Variants in FAM227B observed in about 807,000 individuals in gnomAD.
The protein encoded by FAM227B is family with sequence similarity 227 member B.
FAM227B carries 88 observed loss-of-function variants against 73.8 expected under a neutral mutation model. The observed-to-expected ratio is 1.19, with a 90% CI of 1.00 to 1.42. The LOEUF is 1.42. FAM227B is among the 40% of genes most tolerant of loss of function. The pLI, the probability that FAM227B is intolerant of heterozygous loss-of-function variation, is 0.00. For synonymous variants in FAM227B, 210 were observed against 190.5 expected, an observed-to-expected ratio of 1.10 and a Z score of -0.84; for missense variants, 632 against 590.9, an observed-to-expected ratio of 1.07 and a Z score of -0.72.
chr15:49,615,247 G>T lies in FAM227B; in HGVS notation c.-72-4C>A. 1.6e-6 allele frequency: 2 copies of T among 1,254,666 alleles called. No homozygotes were observed. Among genetic ancestry groups the T allele is most frequent in the Non-Finnish European group, 2.3e-6 (2 of 853,704 alleles). The allele number at this position is 1,254,666 out of a possible 1,614,324, so 77.7% of individuals were successfully genotyped here. On this transcript the variant is annotated splice_polypyrimidine_tract_variant and splice_region_variant and intron_variant, in intron 1 of 15. Transcript: ENST00000299338. ...CAATGTGAGTTGGGCGACCAAACTG[G>T]GGTATGAAAGACACCCAAATGCAAA...
intron 11 of FAM227B, among the ~76,000 whole-genome samples, chr15:49,417,112 T>C (rs1176167024): frequency 1.3e-5 from 2 of 152,062 alleles, no homozygotes; most frequent in Non-Finnish European, 2.9e-5. Flanking sequence ...ACATAGCTGG[T>C]TGGGTGCAGT....
At chr15:49,587,650 TA>T (rs2076249806) in intron 5 of FAM227B, among the ~76,000 whole-genome samples, 1 of 152,078 alleles carries the variant, frequency 6.6e-6, no homozygotes, top group Non-Finnish European at 1.5e-5. Flanking sequence ...ATCTCAAAAA[TA>T]TTTTTTAAAA....
chr15:49,571,437 C>T (rs776381366), intron 8 of FAM227B, among the ~76,000 whole-genome samples: 11 of 151,940 alleles, frequency 7.2e-5, no homozygotes, highest in Middle Eastern at 6.8e-3. Context: ...TACAAACCAA[C>T]GTCATGGAGC....
chr15:49,386,936 T>C (rs750136664), intron 11 of FAM227B, among the ~76,000 whole-genome samples: 5 of 151,796 alleles, frequency 3.3e-5, no homozygotes, highest in Non-Finnish European at 7.4e-5. Context: ...ACAATCCTCC[T>C]AGATTAAATC....
chr15:49,603,132 T>G (rs572211298), intron 3 of FAM227B, among the ~76,000 whole-genome samples: 151 of 152,374 alleles, frequency 9.9e-4, no homozygotes, highest in African/African-American at 3.5e-3. Context: ...TCTGGGTCTT[T>G]TGCGGTTTCA....
rs750950812 is a variant in FAM227B at position 49,367,581 on chromosome 15, AC to A, written c.1137del (p.Glu379AspfsTer15). 71 of 1,599,396 alleles carry A rather than the reference AC, an allele frequency of 4.4e-5. 1 individual carries two copies. In the East Asian group the frequency reaches 7.4e-4, roughly 17 times the overall value. ...TKSHYSSTGP[E>X]FNRVLFNFGG... ...CCAAAATTGAAGAGAACACGATTAAACTCTGGACCAGTACTACTATAGTGCG... is the reference window on the plus strand; with the variant it reads ...CCAAAATTGAAGAGAACACGATTAAATCTGGACCAGTACTACTATAGTGCG... On this transcript the variant is annotated frameshift_variant, in exon 13 of 16. Transcript: ENST00000299338. LOFTEE classifies it high-confidence loss of function.
In FAM227B at chr15:49,619,650, T is replaced by C. The variant is rs995954705; in HGVS notation, c.-73+1050A>G. 5.9e-5 allele frequency among the ~76,000 whole-genome samples: 9 copies of C among 152,264 alleles called. 1 individual carries two copies. Among genetic ancestry groups the C allele is most frequent in the African/African-American group, 2.2e-4 (9 of 41,478 alleles). On this transcript the variant is annotated intron_variant, in intron 1 of 15. Coordinates refer to ENST00000299338, the MANE Select transcript of FAM227B (RefSeq NM_152647.3). ...CCATATTTTGGAGTAATTTATTACATACGATAGCAACCCAATGCTCAATCT... is the reference window on the plus strand; with the variant it reads ...CCATATTTTGGAGTAATTTATTACACACGATAGCAACCCAATGCTCAATCT...
chr15:49,355,488 C>T (rs1286432636), intron 13 of FAM227B, among the ~76,000 whole-genome samples: 4 of 152,116 alleles, frequency 2.6e-5, no homozygotes, highest in Non-Finnish European at 5.9e-5. Flanking sequence ...GAAAGGGTAT[C>T]AGCGATGGAA....
intron 1 of FAM227B, among the ~76,000 whole-genome samples, chr15:49,616,246 C>T (rs1322545325): frequency 6.6e-6 from 1 of 152,108 alleles, no homozygotes; most frequent in Non-Finnish European, 1.5e-5. Flanking sequence ...AAGAGTGGGG[C>T]TCTAATATGA....
chr15:49,329,660 G>T, intron 15 of FAM227B: 4 of 984,152 alleles, frequency 4.1e-6, no homozygotes, highest in Non-Finnish European at 4.8e-6. Flanking sequence ...AGTCAAATTT[G>T]TTAAAAGAAT....
intron 11 of FAM227B, among the ~76,000 whole-genome samples, chr15:49,448,394 A>T (rs2052415089): frequency 6.6e-6 from 1 of 151,136 alleles, no homozygotes; most frequent in Non-Finnish European, 1.5e-5. Flanking sequence ...CTTTGCTTTA[A>T]CTAACCACAA....
intron 8 of FAM227B, among the ~76,000 whole-genome samples, chr15:49,571,501 C>T (rs1326320611): frequency 1.3e-5 from 2 of 151,826 alleles, no homozygotes; most frequent in Non-Finnish European, 2.9e-5. Flanking sequence ...ATATTTAAGT[C>T]TTTAATTCAT....
At chr15:49,511,775 G>A (rs1264289248) in intron 10 of FAM227B, among the ~76,000 whole-genome samples, 1 of 152,106 alleles carries the variant, frequency 6.6e-6, no homozygotes, top group Non-Finnish European at 1.5e-5. Flanking sequence ...CCTTGCAAAG[G>A]ACATTATCTC....
At chr15:49,359,983 G>A (rs1174855750) in intron 13 of FAM227B, among the ~76,000 whole-genome samples, 21 of 148,494 alleles carry the variant, frequency 1.4e-4, no homozygotes, top group South Asian at 1.1e-3. Context: ...GTAAACTATC[G>A]CAAGAACAAA....
chr15:49,389,278 G>A (rs2047060839), intron 11 of FAM227B, among the ~76,000 whole-genome samples: 1 of 151,880 alleles, frequency 6.6e-6, no homozygotes, highest in Non-Finnish European at 1.5e-5. Context: ...AAGAAAATGT[G>A]GCACATACAC....
intron 11 of FAM227B, among the ~76,000 whole-genome samples, chr15:49,464,085 A>G (rs1011907500): frequency 1.3e-5 from 2 of 152,054 alleles, no homozygotes; most frequent in African/African-American, 4.8e-5. Flanking sequence ...CAATAATTCT[A>G]TTAGTTTCAT....
chr15:49,398,541 A>G (rs1380306155), intron 11 of FAM227B, among the ~76,000 whole-genome samples: 8 of 115,842 alleles, frequency 6.9e-5, no homozygotes, highest in Admixed American at 3.7e-4. Context: ...TCAACAGAAT[A>G]TACATTTTTT....
At chr15:49,338,509 G>T (rs2040161323) in intron 13 of FAM227B, among the ~76,000 whole-genome samples, 1 of 152,188 alleles carries the variant, frequency 6.6e-6, no homozygotes, top group Non-Finnish European at 1.5e-5. Flanking sequence ...TTAGTCTGGT[G>T]GGCTTCCCTT....
chr15:49,328,870 A>ATTCTT, intron 15 of FAM227B, 195 bp from the exon 16 acceptor site: 1 of 1,336,164 alleles, frequency 7.5e-7, no homozygotes, highest in East Asian at 2.6e-5. Flanking sequence ...ACCACTTTCA[A>ATTCTT]TTCTTTTGGC....
Sources: allele counts gnomAD v4.1 joint callset (sites outside exome capture counted in the v4.1 genomes callset), GRCh38; gene constraint gnomAD v4.1.1; transcripts MANE v1.5; gene names NCBI Gene and HGNC (gene_info 2026-07-23, HGNC 2026-07-21).